Variants in CNTN5 observed in about 807,000 individuals in gnomAD.
CNTN5 encodes contactin-5.
CNTN5 carries 77 observed loss-of-function variants against 129.1 expected under a neutral mutation model. The ratio of observed to expected loss-of-function variants is 0.60; its 90% CI spans 0.50 to 0.72. CNTN5 has a LOEUF of 0.72. Among genes scored for constraint, CNTN5 ranks in the 30% least tolerant of loss-of-function variants. The pLI is 0.00. For missense variants in CNTN5, 1,478 were observed against 1,328.8 expected (o/e 1.11, Z -1.75); for synonymous variants, 509 against 465.6 (o/e 1.09, Z -1.20).
At chr11:99,839,174 G>C (rs1027428749) in intron 4 of CNTN5, among the ~76,000 whole-genome samples, 23 of 152,054 alleles carry the variant, frequency 1.5e-4, no homozygotes, top group African/African-American at 5.6e-4. Context: ...AAGGAAAAAA[G>C]GCTTGAAAAT....
chr11:99,283,417 C>A (rs1352149487), intron 1 of CNTN5, among the ~76,000 whole-genome samples: 1 of 152,042 alleles, frequency 6.6e-6, no homozygotes, highest in African/African-American at 2.4e-5. Flanking sequence ...CACATGCACA[C>A]ACATGTGCTT....
intron 16 of CNTN5, among the ~76,000 whole-genome samples, chr11:100,247,130 G>A (rs1028983424): frequency 1.3e-5 from 2 of 152,186 alleles, no homozygotes; most frequent in Non-Finnish European, 2.9e-5. Flanking sequence ...TCTGCTCCAA[G>A]TGAACCCTGA....
chr11:99,270,197 G>T (rs1375953304), intron 1 of CNTN5, among the ~76,000 whole-genome samples: 1 of 151,774 alleles, frequency 6.6e-6, no homozygotes, highest in African/African-American at 2.4e-5. Context: ...GAGATAAAAT[G>T]TTATGCTTTG....
chr11:99,133,477 G>A (rs1448463388), intron 1 of CNTN5, among the ~76,000 whole-genome samples: 2 of 151,982 alleles, frequency 1.3e-5, no homozygotes, highest in African/African-American at 4.8e-5. Flanking sequence ...ACAACCTACA[G>A]ATTGGGAGAA....
intron 3 of CNTN5, among the ~76,000 whole-genome samples, chr11:99,657,834 A>T (rs1952435652): frequency 6.6e-6 from 1 of 152,144 alleles, no homozygotes; most frequent in Non-Finnish European, 1.5e-5. Context: ...TGAGTGCTAG[A>T]TCATTGATTT....
At chr11:99,216,097 T>C (rs559838370) in intron 1 of CNTN5, among the ~76,000 whole-genome samples, 40 of 152,176 alleles carry the variant, frequency 2.6e-4, no homozygotes, top group Non-Finnish European at 4.6e-4. Context: ...ATGATGCTAT[T>C]GAGTTGTAGA....
intron 2 of CNTN5, among the ~76,000 whole-genome samples, chr11:99,438,050 T>G (rs1943669535): frequency 6.6e-6 from 1 of 152,206 alleles, no homozygotes; most frequent in South Asian, 2.1e-4. Flanking sequence ...ATTAAATGCT[T>G]GTAAACTATC....
chr11:99,547,523 C>G (rs1368076933), intron 2 of CNTN5, among the ~76,000 whole-genome samples: 2 of 152,022 alleles, frequency 1.3e-5, no homozygotes, highest in Non-Finnish European at 2.9e-5. Context: ...TGTTTTATTA[C>G]CAAACAGCAG....
At position 99,819,551 on chromosome 11, in the gene CNTN5, A is replaced by C. The variant is rs769441323; in HGVS notation, c.63A>C (p.Ser21=). The change falls in exon 4 of 25, where the codon TCA becomes TCC. Residue 21 remains serine (S), a synonymous_variant. Coordinates refer to ENST00000524871, the MANE Select transcript of CNTN5 (RefSeq NM_014361.4). ...LSVTMCLSEY[S]KSLPGLSTSY... ...ATATTTTTTCTCTTACAGAGTATTCAAAATCTCTTCCTGGTCTCTCCACTT... is the reference window on the plus strand; with the variant it reads ...ATATTTTTTCTCTTACAGAGTATTCCAAATCTCTTCCTGGTCTCTCCACTT... 12 of 1,610,288 alleles carry C rather than the reference A, an allele frequency of 7.5e-6. No individual in the cohort carries two copies. The South Asian group carries it at 1.3e-4, about 18-fold the overall frequency.
At chr11:100,288,116 T>G (rs1485907626) in intron 18 of CNTN5, among the ~76,000 whole-genome samples, 11 of 152,196 alleles carry the variant, frequency 7.2e-5, no homozygotes, top group African/African-American at 1.2e-4. Flanking sequence ...AGCAAGTGCT[T>G]AGTGACCTAC....
chr11:100,085,484 A>G (rs1944514655), intron 13 of CNTN5, among the ~76,000 whole-genome samples: 1 of 152,078 alleles, frequency 6.6e-6, no homozygotes, highest in South Asian at 2.1e-4. Flanking sequence ...CATATACTGT[A>G]TATAAGACAC....
chr11:99,855,476 C>G (rs12577697), intron 6 of CNTN5, among the ~76,000 whole-genome samples: 26,870 of 152,006 alleles, frequency 0.18, 3,441 homozygotes, highest in East Asian at 0.69. Context: ...AATTAAAGTA[C>G]TAGGTATCAT....
At chr11:99,930,235 C>T (rs1041924647) in intron 7 of CNTN5, among the ~76,000 whole-genome samples, 4 of 152,152 alleles carry the variant, frequency 2.6e-5, no homozygotes, top group Non-Finnish European at 5.9e-5. Context: ...TGCCATTTTG[C>T]TCCTTACTGC....
At chr11:100,248,553 A>T (rs1949896182) in intron 16 of CNTN5, among the ~76,000 whole-genome samples, 1 of 152,194 alleles carries the variant, frequency 6.6e-6, no homozygotes, top group Non-Finnish European at 1.5e-5. Flanking sequence ...CTCTAAAAAA[A>T]GAAAAAGAAA....
At chr11:100,135,812 T>G (rs1001941731) in intron 13 of CNTN5, among the ~76,000 whole-genome samples, 1 of 152,126 alleles carries the variant, frequency 6.6e-6, no homozygotes, top group African/African-American at 2.4e-5. Context: ...TCTTTCATCT[T>G]TCATTCGGGT....
chr11:99,654,330 T>C (rs1447566335), intron 3 of CNTN5, among the ~76,000 whole-genome samples: 1 of 152,088 alleles, frequency 6.6e-6, no homozygotes, highest in East Asian at 1.9e-4. Context: ...CCTCTTCCTA[T>C]GGAAGGAGCT....
intron 2 of CNTN5, among the ~76,000 whole-genome samples, chr11:99,485,474 C>T (rs1336553608): frequency 1.3e-5 from 2 of 152,136 alleles, no homozygotes; most frequent in Admixed American, 6.5e-5. Flanking sequence ...TCAATTGTAA[C>T]ATATGTACCA....
At chr11:99,316,107 C>T (rs561033107) in intron 1 of CNTN5, among the ~76,000 whole-genome samples, 2 of 151,940 alleles carry the variant, frequency 1.3e-5, no homozygotes, top group East Asian at 1.9e-4. Context: ...ATTATGAACG[C>T]GGGTAGCAGA....
At chr11:99,983,802 G>A (rs1938502869) in intron 8 of CNTN5, among the ~76,000 whole-genome samples, 2 of 152,220 alleles carry the variant, frequency 1.3e-5, no homozygotes, top group South Asian at 2.1e-4. Flanking sequence ...ATTGGCCTGG[G>A]GGTTCAAAGG....
Sources: allele counts gnomAD v4.1 joint callset (sites outside exome capture counted in the v4.1 genomes callset), GRCh38; gene constraint gnomAD v4.1.1; transcripts MANE v1.5; gene names NCBI Gene and HGNC (gene_info 2026-07-23, HGNC 2026-07-21).